Variants in MCTP2 observed in about 807,000 individuals in gnomAD.
The protein encoded by MCTP2 is multiple C2 and transmembrane domain containing 2, also known as multiple C2 and transmembrane domain-containing protein 2.
Under a neutral mutation model 111.6 loss-of-function variants are expected in MCTP2, and 132 were observed. The ratio of observed to expected loss-of-function variants is 1.18; its 90% CI spans 1.03 to 1.37. MCTP2 has a LOEUF of 1.37. MCTP2 is among the 40% of genes most tolerant of loss of function. MCTP2 has a pLI of 0.00. For missense variants in MCTP2, 1,183 were observed against 1,067.9 expected, an observed-to-expected ratio of 1.11 and a Z score of -1.50; for synonymous variants, 395 against 387.7, an observed-to-expected ratio of 1.02 and a Z score of -0.22.
At chr15:94,441,161 T>G (rs1267104963) in intron 18 of MCTP2, among the ~76,000 whole-genome samples, 1 of 152,240 alleles carries the variant, frequency 6.6e-6, no homozygotes, top group Non-Finnish European at 1.5e-5. Context: ...TTATTTTTCC[T>G]TATGTCCTCA....
intron 12 of MCTP2, among the ~76,000 whole-genome samples, chr15:94,383,738 G>A (rs997689025): frequency 6.6e-6 from 1 of 152,158 alleles, no homozygotes. Flanking sequence ...CACGACACAT[G>A]GGAATTATGG....
In MCTP2 at chr15:94,358,492, A is replaced by G. The variant is rs757843932; in HGVS notation, c.1181A>G (p.Lys394Arg). 6.2e-7 allele frequency: 1 copy of G among 1,613,394 alleles called. No individual in the cohort carries two copies. Among genetic ancestry groups the G allele is most frequent in the Non-Finnish European group, 8.5e-7 (1 of 1,179,428 alleles). The stretch of plus-strand genomic sequence containing the variant: ...CTGCATGTTTTCTAGACACTGTGTA[A>G]GAGTGCAAATCCGCAGTGGCAGGAA... ...DQRYKSKTLCKSANPQWQEQF... is the reference protein window; with the variant it reads ...DQRYKSKTLCRSANPQWQEQF... The change falls in exon 10 of 23, where the codon AAG becomes AGG. Residue 394 changes from lysine (K) to arginine (R), a missense_variant. Transcript: ENST00000357742.
chr15:94,410,062 G>T (rs2082086985), intron 17 of MCTP2, among the ~76,000 whole-genome samples: 1 of 151,958 alleles, frequency 6.6e-6, no homozygotes. Flanking sequence ...TGTGCTCTTT[G>T]GGAATTAAAT....
At chr15:94,334,725 C>T (rs879427701) in intron 4 of MCTP2, among the ~76,000 whole-genome samples, 8 of 149,690 alleles carry the variant, frequency 5.3e-5, no homozygotes, top group South Asian at 2.1e-4. Context: ...TTTTTTTTTT[C>T]GGTGGAGATG....
chr15:94,400,845 C>T (rs977999987), intron 16 of MCTP2, among the ~76,000 whole-genome samples: 1 of 152,094 alleles, frequency 6.6e-6, no homozygotes, highest in Non-Finnish European at 1.5e-5. Flanking sequence ...TTCCCATGAA[C>T]TTCTGGGCAT....
chr15:94,325,881 G>T (rs1179290567), intron 4 of MCTP2, among the ~76,000 whole-genome samples: 1 of 140,338 alleles, frequency 7.1e-6, no homozygotes, highest in Non-Finnish European at 1.5e-5. Flanking sequence ...GTACAGTGGC[G>T]CGATCTCGGC....
chr15:94,245,410 T>TTATA (rs1239891744), intron 1 of MCTP2, among the ~76,000 whole-genome samples: 1 of 137,520 alleles, frequency 7.3e-6, no homozygotes, highest in Non-Finnish European at 1.5e-5. Context: ...GTGTATATAT[T>TTATA]TATATACATG....
At chr15:94,420,036 T>C (rs1052224023) in intron 17 of MCTP2, among the ~76,000 whole-genome samples, 3 of 152,144 alleles carry the variant, frequency 2.0e-5, no homozygotes, top group Non-Finnish European at 4.4e-5. Flanking sequence ...TAACCTTAAA[T>C]TGAAGCCAGT....
intron 20 of MCTP2, among the ~76,000 whole-genome samples, chr15:94,466,393 C>T (rs2073302528): frequency 6.6e-6 from 1 of 152,132 alleles, no homozygotes; most frequent in Non-Finnish European, 1.5e-5. Flanking sequence ...CCTTGGGATA[C>T]TACCAGTCCC....
At position 94,340,189 on chromosome 15, in the gene MCTP2, C is replaced by G; in HGVS notation, c.781-10C>G. The G allele has an allele frequency of 6.3e-7, 1 of 1,598,750 alleles. No individual in the cohort carries two copies. Among genetic ancestry groups the G allele is most frequent in the East Asian group, 2.2e-5 (1 of 44,690 alleles). ...AATAATGTGTTAATTGACCTCTGTC[C>G]TCTTTGTAGGTATATGATCGAGATT... On this transcript the variant is annotated splice_polypyrimidine_tract_variant and intron_variant, in intron 5 of 22. Coordinates refer to ENST00000357742, the MANE Select transcript of MCTP2 (RefSeq NM_001385001.1).
Position 94,399,914 on chromosome 15 carries a change from T to C in MCTP2, c.1891-7T>C, listed in dbSNP as rs184430580. 3 of 1,613,586 alleles carry C rather than the reference T, an allele frequency of 1.9e-6. No individual in the cohort carries two copies. The highest frequency in any genetic ancestry group is 2.2e-5 in the East Asian group (1 of 44,864). On this transcript the variant is annotated splice_region_variant and splice_polypyrimidine_tract_variant and intron_variant, in intron 15 of 22. Transcript: ENST00000357742. ...CTGCCCTTTTTTAACAAGGATGTCTTTTCTAGGTGAAAGCAAGTATTAGGA... is the reference window on the plus strand; with the variant it reads ...CTGCCCTTTTTTAACAAGGATGTCTCTTCTAGGTGAAAGCAAGTATTAGGA...
intron 17 of MCTP2, among the ~76,000 whole-genome samples, chr15:94,409,230 A>G (rs2082039281): frequency 6.6e-6 from 1 of 152,138 alleles, no homozygotes; most frequent in Non-Finnish European, 1.5e-5. Context: ...CTGGCCTCCC[A>G]GCCTACATCT....
intron 1 of MCTP2, among the ~76,000 whole-genome samples, chr15:94,275,909 G>A (rs1035983865): frequency 3.4e-5 from 5 of 148,604 alleles, no homozygotes; most frequent in South Asian, 2.1e-4. Context: ...GTGTAGTGGC[G>A]CGGATCTTGG....
At chr15:94,340,328 C>A (rs371821636) in intron 6 of MCTP2, 53 bp downstream of exon 6, 11 of 1,284,900 alleles carry the variant, frequency 8.6e-6, no homozygotes, top group Non-Finnish European at 9.1e-6. Flanking sequence ...AGGGAACTTA[C>A]GATAATGTTA....
At chr15:94,465,284 G>A (rs1273350125) in intron 20 of MCTP2, among the ~76,000 whole-genome samples, 3 of 152,070 alleles carry the variant, frequency 2.0e-5, no homozygotes, top group Admixed American at 6.5e-5. Context: ...TGGGGGATAT[G>A]TTCTCAGATC....
At chr15:94,401,454 A>G (rs560690161) in intron 16 of MCTP2, among the ~76,000 whole-genome samples, 1 of 152,304 alleles carries the variant, frequency 6.6e-6, no homozygotes, top group East Asian at 1.9e-4. Context: ...GCATGTTTTA[A>G]TTGTAAATCT....
chr15:94,313,444 T>C (rs1199381525), intron 2 of MCTP2, among the ~76,000 whole-genome samples: 1 of 152,138 alleles, frequency 6.6e-6, no homozygotes, highest in Non-Finnish European at 1.5e-5. Context: ...GGCTCACGCC[T>C]GTAATCCCAG....
chr15:94,368,331 C>CAA (rs1222815873), intron 11 of MCTP2, among the ~76,000 whole-genome samples: 4 of 152,114 alleles, frequency 2.6e-5, no homozygotes, highest in Non-Finnish European at 5.9e-5. Flanking sequence ...CTTAACAGTC[C>CAA]ACTCAGCATT....
At chr15:94,250,647 CT>C (rs760015368) in intron 1 of MCTP2, among the ~76,000 whole-genome samples, 13 of 152,146 alleles carry the variant, frequency 8.5e-5, no homozygotes, top group Non-Finnish European at 1.5e-4. Flanking sequence ...GTCTTTATCT[CT>C]GTTATATGAA....
Sources: gnomAD v4.1 joint callset for allele counts (sites outside exome capture counted in the v4.1 genomes callset) on GRCh38, gnomAD v4.1.1 for gene constraint, MANE v1.5 for transcripts, NCBI Gene and HGNC (gene_info 2026-07-23, HGNC 2026-07-21) for gene names.